Variants in TMEM65 observed in about 807,000 individuals in gnomAD.
TMEM65 encodes transmembrane protein 65.
Under a neutral mutation model 25.4 loss-of-function variants are expected in TMEM65, and 22 were observed. The ratio of observed to expected loss-of-function variants is 0.86; its 90% CI spans 0.62 to 1.23. TMEM65 has a LOEUF of 1.23. TMEM65 is among the 50% of genes most tolerant of loss of function. The pLI is 0.00. For missense variants in TMEM65, 262 were observed against 308.2 expected (o/e 0.85, Z 1.12); for synonymous variants, 132 against 126.2 (o/e 1.05, Z -0.31).
chr8:124,329,922 T>C (rs1814411298), intron 2 of TMEM65, among the ~76,000 whole-genome samples: 2 of 151,914 alleles, frequency 1.3e-5, no homozygotes. Flanking sequence ...TTTTAAATTG[T>C]TTTGGTATTT....
chr8:124,364,401 A>G (rs2131230644), intron 1 of TMEM65, among the ~76,000 whole-genome samples: 1 of 152,344 alleles, frequency 6.6e-6, no homozygotes, highest in East Asian at 1.9e-4. Context: ...AGCACATTTC[A>G]CTACCACTAT....
In TMEM65 at chr8:124,307,852, G is replaced by C. The variant is rs897873203; in HGVS notation, c.*6108C>G. 6 of 152,152 alleles carry C rather than the reference G, an allele frequency of 3.9e-5. No individual in the cohort carries two copies. Among genetic ancestry groups the C allele is most frequent in the Non-Finnish European group, 8.8e-5 (6 of 68,032 alleles). The allele number at this position is 152,152 out of a possible 1,614,324, so 9.4% of individuals were successfully genotyped here. A position where few individuals can be genotyped will look rare whatever the true frequency, so the allele number is the denominator to read the frequency against. On this transcript the variant is annotated 3_prime_UTR_variant, in exon 7 of 7. Coordinates refer to ENST00000297632, the MANE Select transcript of TMEM65 (RefSeq NM_194291.3). ...TCTACCAAAACAGGTTCTTAAGGCAGACAGAAGTGCCCTATTATGGAAAAA... is the reference window on the plus strand; with the variant it reads ...TCTACCAAAACAGGTTCTTAAGGCACACAGAAGTGCCCTATTATGGAAAAA...
chr8:124,345,285 G>A (rs938249342), intron 1 of TMEM65, among the ~76,000 whole-genome samples: 7 of 152,210 alleles, frequency 4.6e-5, no homozygotes, highest in African/African-American at 1.7e-4. Context: ...AATACTGCCT[G>A]CCCATGTGTT....
chr8:124,324,057 C>T (rs534587155), intron 3 of TMEM65, among the ~76,000 whole-genome samples: 69 of 152,130 alleles, frequency 4.5e-4, no homozygotes, highest in African/African-American at 1.6e-3. Context: ...GAAGTGAAGA[C>T]AATTAAACTA....
chr8:124,359,407 C>A (rs1389838255), intron 1 of TMEM65, among the ~76,000 whole-genome samples: 1 of 152,256 alleles, frequency 6.6e-6, no homozygotes, highest in South Asian at 2.1e-4. Flanking sequence ...CCAACGATGT[C>A]TATTGATGTG....
chr8:124,359,089 C>T (rs72711184), intron 1 of TMEM65, among the ~76,000 whole-genome samples: 13,520 of 152,130 alleles, frequency 0.089, 906 homozygotes, highest in Non-Finnish European at 0.14. Flanking sequence ...GCAACACTGC[C>T]GGGGATGCAA....
chr8:124,352,248 A>G (rs1436052815), intron 1 of TMEM65, among the ~76,000 whole-genome samples: 2 of 152,188 alleles, frequency 1.3e-5, no homozygotes, highest in African/African-American at 4.8e-5. Context: ...TTATTTAACT[A>G]AAACATGGTT....
intron 1 of TMEM65, among the ~76,000 whole-genome samples, chr8:124,360,135 T>TA (rs1287400410): frequency 2.6e-5 from 4 of 151,070 alleles, no homozygotes; most frequent in East Asian, 1.9e-4. Context: ...TTTACATCTA[T>TA]AAAAAAAAAT....
At chr8:124,351,682 C>A (rs766366724) in intron 1 of TMEM65, among the ~76,000 whole-genome samples, 32 of 152,200 alleles carry the variant, frequency 2.1e-4, no homozygotes, top group African/African-American at 7.2e-4. Flanking sequence ...TTAATGTGAA[C>A]TTTTTGCCAG....
At chr8:124,363,762 G>A (rs1051358287) in intron 1 of TMEM65, among the ~76,000 whole-genome samples, 7 of 139,980 alleles carry the variant, frequency 5.0e-5, no homozygotes, top group African/African-American at 1.3e-4. Flanking sequence ...GTGTGAACCC[G>A]GGAGGCGGAG....
In TMEM65 at chr8:124,371,821, C is replaced by G. The variant is rs377714284; in HGVS notation, c.304+33G>C. On this transcript the variant is annotated intron_variant, in intron 1 of 6. Transcript: ENST00000297632. Reference sequence around the variant, plus strand: ...TGGCGAGAAGAGGAGGGCGTCGGGGCCCCCGGGCTCGCCCCCCACCTGCCC... The same window carrying G: ...TGGCGAGAAGAGGAGGGCGTCGGGGGCCCCGGGCTCGCCCCCCACCTGCCC... 112 of 1,486,030 alleles carry G rather than the reference C, an allele frequency of 7.5e-5. No individual in the cohort carries two copies. In the African/African-American group the frequency reaches 1.3e-3, roughly 18 times the overall value. The allele number at this position is 1,486,030 out of a possible 1,614,324, so 92.1% of individuals were successfully genotyped here. A position where few individuals can be genotyped will look rare whatever the true frequency, so the allele number is the denominator to read the frequency against.
At chr8:124,348,790 T>C (rs1407924784) in intron 1 of TMEM65, among the ~76,000 whole-genome samples, 1 of 152,182 alleles carries the variant, frequency 6.6e-6, no homozygotes, top group East Asian at 1.9e-4. Context: ...TTTCACAGAA[T>C]GTTGAAGCTG....
At chr8:124,327,269 TA>T in intron 3 of TMEM65, 84 bp downstream of exon 3, 1 of 903,934 alleles carries the variant, frequency 1.1e-6, no homozygotes, top group Non-Finnish European at 1.7e-6. Context: ...TAAAACTTTA[TA>T]ATCACAATAG....
chr8:124,358,262 A>AT (rs1459271500), intron 1 of TMEM65, among the ~76,000 whole-genome samples: 1 of 152,248 alleles, frequency 6.6e-6, no homozygotes. Flanking sequence ...AAATAATCAC[A>AT]TAAAAACTCA....
chr8:124,332,826 T>C (rs1814448385), intron 1 of TMEM65, among the ~76,000 whole-genome samples: 1 of 152,000 alleles, frequency 6.6e-6, no homozygotes, highest in Non-Finnish European at 1.5e-5. Context: ...TTTTTTGAGA[T>C]GGAGTCTCAC....
Position 124,330,811 on chromosome 8 carries a change from A to T in TMEM65, c.305-19T>A. 6.3e-7 allele frequency: 1 copy of T among 1,576,082 alleles called. No individual in the cohort carries two copies. Among genetic ancestry groups the T allele is most frequent in the Non-Finnish European group, 8.6e-7 (1 of 1,165,130 alleles). ...AATTTTTCTAAAGGGGAGAAAAAGG[A>T]TGTGGGGCAAGAATTAGTTACTACA... On this transcript the variant is annotated intron_variant, in intron 1 of 6. Transcript: ENST00000297632.
At chr8:124,333,470 CGTGTGTGTGTGTGTGT>C (rs10660640) in intron 1 of TMEM65, among the ~76,000 whole-genome samples, 4 of 149,138 alleles carry the variant, frequency 2.7e-5, no homozygotes, top group Non-Finnish European at 6.0e-5. Flanking sequence ...TGTGTGTGTG[CGTGTGTGTGTGTGTGT>C]GTGTGTGTGT....
At chr8:124,319,833 C>T (rs539964734) in intron 6 of TMEM65, among the ~76,000 whole-genome samples, 2 of 152,198 alleles carry the variant, frequency 1.3e-5, no homozygotes, top group South Asian at 4.1e-4. Flanking sequence ...GTTCTTTAGA[C>T]CCCAACCTAT....
At chr8:124,352,643 G>C (rs1368921366) in intron 1 of TMEM65, among the ~76,000 whole-genome samples, 1 of 152,156 alleles carries the variant, frequency 6.6e-6, no homozygotes, top group Non-Finnish European at 1.5e-5. Context: ...CAGGATTTCA[G>C]TAAGTGAGGG....
Sources: gnomAD v4.1 joint callset for allele counts (sites outside exome capture counted in the v4.1 genomes callset) on GRCh38, gnomAD v4.1.1 for gene constraint, MANE v1.5 for transcripts, NCBI Gene and HGNC (gene_info 2026-07-23, HGNC 2026-07-21) for gene names.